The following DNAH6 variants were observed in gnomAD, a reference collection of about 807,000 sequenced individuals.
DNAH6 encodes the protein dynein axonemal heavy chain 6.
A neutral mutation model predicts 491.4 loss-of-function variants in DNAH6; 340 were observed. The ratio of observed to expected loss-of-function variants is 0.69; its 90% CI spans 0.63 to 0.76. DNAH6 has a LOEUF of 0.76. Among genes scored for constraint, DNAH6 ranks in the 30% least tolerant of loss-of-function variants. DNAH6 has a pLI of 0.00. For synonymous variants in DNAH6, 1,603 were observed against 1,686.1 expected (o/e 0.95, Z 1.21); for missense variants, 4,443 against 4,972.2 (o/e 0.89, Z 3.20).
At chr2:84,690,925 A>G (rs1694788810) in intron 45 of DNAH6, among the ~76,000 whole-genome samples, 1 of 152,166 alleles carries the variant, frequency 6.6e-6, no homozygotes, top group Admixed American at 6.5e-5. Context: ...GGGTAAGTAA[A>G]AGTCTTTTAA....
At chr2:84,699,827 G>A (rs1236499008) in intron 48 of DNAH6, 93 bp downstream of exon 48, 7 of 1,250,654 alleles carry the variant, frequency 5.6e-6, no homozygotes, top group Middle Eastern at 1.9e-4. Context: ...ATGGGTACTT[G>A]TATTAGCTTT....
At chr2:84,819,220 T>C (rs1680794535) in intron 76 of DNAH6, 85 bp from the exon 77 acceptor site, 7 of 941,902 alleles carry the variant, frequency 7.4e-6, no homozygotes, top group Non-Finnish European at 1.1e-5. Context: ...GGAACCCAGA[T>C]GTCTTGACTC....
rs1374252802 is a variant in DNAH6 at position 84,584,090 on chromosome 2, C to T, written c.2321C>T (p.Ala774Val). The T allele has an allele frequency of 6.2e-7, 1 of 1,614,146 alleles. No homozygotes were observed. Among genetic ancestry groups the T allele is most frequent in the Admixed American group, 1.7e-5 (1 of 60,022 alleles). ...YQVPTPPEDF[A>V]VFATMKPSIV... Reference sequence around the variant, plus strand: ...GTGCCCACACCTCCTGAAGACTTTGCTGTTTTTGCAACTATGAAGCCATCC... The same window carrying T: ...GTGCCCACACCTCCTGAAGACTTTGTTGTTTTTGCAACTATGAAGCCATCC... The change falls in exon 15 of 77, where the codon GCT becomes GTT. Residue 774 changes from alanine (A) to valine (V), a missense_variant. By Grantham distance (64) the Ala-to-Val change is moderately conservative (BLOSUM62 0). Around this residue, in one of 3 missense-constraint regions of DNAH6, gnomAD observed 2,977 missense variants for 3,296.6 expected, o/e 0.90. Coordinates refer to ENST00000389394, the MANE Select transcript of DNAH6 (RefSeq NM_001370.2).
In DNAH6 at chr2:84,547,522, G is replaced by C. The variant is rs1678897012; in HGVS notation, c.1096G>C (p.Glu366Gln). The change falls in exon 7 of 77, where the codon GAG becomes CAG. Residue 366 changes from glutamate to glutamine, a missense_variant. This residue lies in a region of DNAH6 where 2,977 missense variants were observed against 3,296.6 expected (regional missense o/e 0.90). Coordinates refer to ENST00000389394, the MANE Select transcript of DNAH6 (RefSeq NM_001370.2). Reference sequence around the variant, plus strand: ...AGAACGCCTAGGAGAATTTCGAAATGAGGCAAAATATGTAGTCAGGAGGGC... The same window carrying C: ...AGAACGCCTAGGAGAATTTCGAAATCAGGCAAAATATGTAGTCAGGAGGGC... ...VTERLGEFRN[E>Q]AKYVVRRACR... The C allele has an allele frequency of 6.4e-6, 10 of 1,551,568 alleles. No homozygotes were observed. Among genetic ancestry groups the C allele is most frequent in the Admixed American group, 2.0e-5 (1 of 50,970 alleles).
intron 37 of DNAH6, among the ~76,000 whole-genome samples, chr2:84,659,418 G>T (rs909258832): frequency 6.6e-6 from 1 of 152,070 alleles, no homozygotes; most frequent in Non-Finnish European, 1.5e-5. Context: ...AACAAATATT[G>T]AATTCTAGTT....
intron 42 of DNAH6, among the ~76,000 whole-genome samples, chr2:84,683,117 C>T (rs1254953630): frequency 2.0e-5 from 3 of 152,220 alleles, no homozygotes; most frequent in African/African-American, 4.8e-5. Flanking sequence ...AGCAAAACTT[C>T]CCATGTCCCT....
intron 26 of DNAH6, 141 bp downstream of exon 26, chr2:84,621,692 C>T (rs970008678): frequency 1.9e-6 from 1 of 518,022 alleles, no homozygotes; most frequent in Non-Finnish European, 3.5e-6. Flanking sequence ...CAAAGCTTTA[C>T]AATTCTAAAA....
intron 70 of DNAH6, among the ~76,000 whole-genome samples, chr2:84,798,542 T>A (rs1165817161): frequency 6.6e-6 from 1 of 152,200 alleles, no homozygotes; most frequent in Non-Finnish European, 1.5e-5. Context: ...CATGTTACAC[T>A]GAGTGGCTGC....
At chr2:84,619,264 C>T (rs1289531728) in intron 23 of DNAH6, among the ~76,000 whole-genome samples, 1 of 152,160 alleles carries the variant, frequency 6.6e-6, no homozygotes, top group Non-Finnish European at 1.5e-5. Flanking sequence ...TGCAACCACC[C>T]ATCCATCTGT....
At chr2:84,780,122 G>T (rs1676538344) in intron 64 of DNAH6, among the ~76,000 whole-genome samples, 2 of 151,972 alleles carry the variant, frequency 1.3e-5, no homozygotes, top group Admixed American at 1.3e-4. Context: ...CTTGGGGATG[G>T]TCATCTTATA....
chr2:84,461,531 A>G, the DNAH6 span, among the ~76,000 whole-genome samples: 14 of 152,112 alleles, frequency 9.2e-5, no homozygotes, highest in African/African-American at 3.4e-4. Flanking sequence ...TCAAATTCCA[A>G]CTCTGCCACT....
At position 84,704,217 on chromosome 2, in the gene DNAH6, G is replaced by C. The variant is rs1299106481; in HGVS notation, c.8380G>C (p.Asp2794His). 5 of 1,551,738 alleles carry C rather than the reference G, an allele frequency of 3.2e-6. No individual in the cohort carries two copies. In the East Asian group the frequency reaches 7.3e-5, roughly 23 times the overall value. ...NKALDSLDKA[D>H]ISEIRVFTKP... ...AGCACTGGATTCCTTAGATAAGGCAGATATATCTGAAATCAGAGTTTTTAC... is the reference window on the plus strand; with the variant it reads ...AGCACTGGATTCCTTAGATAAGGCACATATATCTGAAATCAGAGTTTTTAC... The change falls in exon 51 of 77, where the codon GAT becomes CAT. Residue 2794 changes from aspartate (D) to histidine (H), a missense_variant. Physicochemically the swap from Asp to His is moderately conservative, Grantham distance 81. Transcript: ENST00000389394.
intron 11 of DNAH6, among the ~76,000 whole-genome samples, chr2:84,568,984 T>C (rs1458388179): frequency 2.0e-5 from 3 of 152,190 alleles, no homozygotes; most frequent in Admixed American, 6.5e-5. Context: ...AAAACAAAAC[T>C]ATACATGCAT....
intron 12 of DNAH6, 25 bp downstream of exon 12, chr2:84,573,612 A>C (rs371501210): frequency 4.6e-6 from 7 of 1,522,236 alleles, no homozygotes; most frequent in Middle Eastern, 3.5e-4. Context: ...TGTACTTACT[A>C]ATTATTTTTA....
At chr2:84,690,650 A>G (rs1694762354) in intron 45 of DNAH6, among the ~76,000 whole-genome samples, 1 of 152,232 alleles carries the variant, frequency 6.6e-6, no homozygotes, top group African/African-American at 2.4e-5. Flanking sequence ...TAGCATGGTG[A>G]AGATTTGGTT....
the DNAH6 span, among the ~76,000 whole-genome samples, chr2:84,477,427 A>G: frequency 6.6e-6 from 1 of 152,150 alleles, no homozygotes; most frequent in Non-Finnish European, 1.5e-5. Flanking sequence ...CTTTTTCCCA[A>G]TACTATTTAA....
rs537720750 is a variant in DNAH6 at position 84,798,293 on chromosome 2, C to G, written c.11481+635C>G. Among the ~76,000 whole-genome samples, 3 of 152,276 alleles carry G rather than the reference C, an allele frequency of 2.0e-5. No individual in the cohort carries two copies. The South Asian group carries it at 6.2e-4, about 32-fold the overall frequency. On this transcript the variant is annotated intron_variant, in intron 70 of 76. Transcript: ENST00000389394. ...CCAGGCACCAGAAGCAACCCCTGGA[C>G]TTGGACTGGACCTAAAGAAGGAGTC...
At chr2:84,608,877 A>G (rs1051564535) in intron 21 of DNAH6, among the ~76,000 whole-genome samples, 1 of 152,190 alleles carries the variant, frequency 6.6e-6, no homozygotes, top group Non-Finnish European at 1.5e-5. Context: ...ATAGAAGGCT[A>G]TTTTGTCTTC....
At chr2:84,760,420 G>A (rs1007466842) in intron 63 of DNAH6, among the ~76,000 whole-genome samples, 3 of 152,048 alleles carry the variant, frequency 2.0e-5, no homozygotes, top group Non-Finnish European at 4.4e-5. Context: ...TCTGACAGGG[G>A]ACTAATATCC....
Sources: gnomAD v4.1 joint callset for allele counts (sites outside exome capture counted in the v4.1 genomes callset) on GRCh38, gnomAD v4.1.1 for gene constraint, gnomAD v4.1.1 regional missense constraint, MANE v1.5 for transcripts, NCBI Gene and HGNC (gene_info 2026-07-23, HGNC 2026-07-21) for gene names.